Variants in SYNJ2 observed in about 807,000 individuals in gnomAD.
SYNJ2 encodes synaptojanin 2.
SYNJ2 carries 116 observed loss-of-function variants against 141.3 expected under a neutral mutation model. That is an observed-to-expected ratio of 0.82 (90% CI 0.71 to 0.96). The LOEUF is 0.96. Ranked by LOEUF, SYNJ2 falls within the 40% of genes least tolerant of loss-of-function variation. The pLI, the probability that SYNJ2 is intolerant of heterozygous loss-of-function variation, is 0.00. For missense variants in SYNJ2, 1,873 were observed against 1,934.8 expected, an observed-to-expected ratio of 0.97 and a Z score of 0.60; for synonymous variants, 745 against 777.7, an observed-to-expected ratio of 0.96 and a Z score of 0.70.
At position 158,062,139 on chromosome 6, in the gene SYNJ2, A is replaced by C; in HGVS notation, c.1102A>C (p.Thr368Pro). ...KLHWEDFDVF[T>P]KGENVSPRFQ... ...GCACTGGGAAGACTTCGATGTGTTC[A>C]CAAAGGGGGAGAACGTCAGTCCACG... Residue 368 changes from threonine (T) to proline (P), a missense_variant, in exon 8 of 27, where the codon ACA (threonine) becomes CCA (proline). Physicochemically the swap from Thr to Pro is conservative, Grantham distance 38 (BLOSUM62 -1). Transcript: ENST00000355585. 1 of 1,613,910 alleles carries C rather than the reference A, an allele frequency of 6.2e-7. No homozygotes were observed. The highest frequency in any genetic ancestry group is 8.5e-7 in the Non-Finnish European group (1 of 1,179,958).
intron 11 of SYNJ2, 71 bp from the exon 12 acceptor site, chr6:158,066,373 C>T (rs1291940136): frequency 8.3e-6 from 13 of 1,563,514 alleles, no homozygotes; most frequent in Non-Finnish European, 9.7e-6. Context: ...CAGGCAGCCT[C>T]ATCTGTCTTT....
chr6:158,068,752 C>A, intron 13 of SYNJ2, 24 bp downstream of exon 13: 1 of 1,613,062 alleles, frequency 6.2e-7, no homozygotes, highest in Non-Finnish European at 8.5e-7. Flanking sequence ...TGTGCGGGGC[C>A]AGGCAGGGAC....
chr6:158,026,453 T>C (rs888398438), intron 2 of SYNJ2, among the ~76,000 whole-genome samples: 1 of 152,034 alleles, frequency 6.6e-6, no homozygotes, highest in African/African-American at 2.4e-5. Flanking sequence ...CCTGTACAGC[T>C]CCCCTGCCTC....
intron 1 of SYNJ2, among the ~76,000 whole-genome samples, chr6:158,008,064 T>G (rs1778137922): frequency 6.6e-6 from 1 of 152,200 alleles, no homozygotes; most frequent in East Asian, 1.9e-4. Flanking sequence ...AGTGCTGGGA[T>G]TACAGGGAGG....
At chr6:158,004,580 T>C (rs1777982100) in intron 1 of SYNJ2, among the ~76,000 whole-genome samples, 1 of 152,206 alleles carries the variant, frequency 6.6e-6, no homozygotes, top group Non-Finnish European at 1.5e-5. Flanking sequence ...ATTTAGCATA[T>C]AATCCAGAAA....
At chr6:157,987,084 T>C (rs1211625093) in intron 1 of SYNJ2, among the ~76,000 whole-genome samples, 1 of 152,188 alleles carries the variant, frequency 6.6e-6, no homozygotes, top group Non-Finnish European at 1.5e-5. Flanking sequence ...CCTCCCAGGT[T>C]CAAGTGATTC....
chr6:158,007,348 C>T (rs1368944800), intron 1 of SYNJ2, among the ~76,000 whole-genome samples: 3 of 152,208 alleles, frequency 2.0e-5, no homozygotes, highest in Non-Finnish European at 4.4e-5. Flanking sequence ...TCCAGACTTG[C>T]AGAGCTCTGT....
chr6:158,093,049 G>C lies in SYNJ2; in HGVS notation c.3689G>C (p.Arg1230Pro), dbSNP rs544005647. The change falls in exon 26 of 27, where the codon CGG (arginine) becomes CCG (proline). Residue 1230 changes from arginine (R) to proline (P), a missense_variant. Transcript: ENST00000355585. ...CAGGCGCCCCCACTCCTTCCCCGTCGGCCCCCACCCAGAGTTCCTGCCATC... is the reference window on the plus strand; with the variant it reads ...CAGGCGCCCCCACTCCTTCCCCGTCCGCCCCCACCCAGAGTTCCTGCCATC... Reference protein sequence around the residue: ...TPQAPPLLPRRPPPRVPAIKK... With the variant: ...TPQAPPLLPRPPPPRVPAIKK... The C allele has an allele frequency of 1.9e-6, 3 of 1,608,854 alleles. No homozygotes were observed. The South Asian group carries it at 3.3e-5, about 18-fold the overall frequency.
At chr6:158,045,768 A>G (rs779333611) in intron 5 of SYNJ2, among the ~76,000 whole-genome samples, 3 of 151,848 alleles carry the variant, frequency 2.0e-5, no homozygotes, top group Non-Finnish European at 2.9e-5. Flanking sequence ...TCTTACCTTG[A>G]CCTTCGTGCT....
intron 2 of SYNJ2, among the ~76,000 whole-genome samples, chr6:158,024,345 G>A (rs1455069540): frequency 6.6e-6 from 1 of 152,168 alleles, no homozygotes; most frequent in Admixed American, 6.5e-5. Flanking sequence ...AACCTGAAAG[G>A]CGAAAGTTGA....
intron 25 of SYNJ2, among the ~76,000 whole-genome samples, chr6:158,090,630 C>T (rs563181206): frequency 2.7e-5 from 4 of 150,206 alleles, no homozygotes; most frequent in South Asian, 4.2e-4. Context: ...CTGCAACCTC[C>T]GCCTCCCAGG....
intron 5 of SYNJ2, among the ~76,000 whole-genome samples, chr6:158,052,951 C>T (rs1445939778): frequency 6.6e-6 from 1 of 152,212 alleles, no homozygotes; most frequent in Admixed American, 6.5e-5. Flanking sequence ...CGCCTTGAGT[C>T]CAGCATCACA....
chr6:158,055,503 ATGTGTG>A (rs61172281), intron 6 of SYNJ2, among the ~76,000 whole-genome samples: 16,001 of 147,832 alleles, frequency 0.11, 1,053 homozygotes, highest in Middle Eastern at 0.29. Flanking sequence ...TTGGCATTTT[ATGTGTG>A]TGTGTGTGTG....
At chr6:157,991,145 G>C (rs985628412) in intron 1 of SYNJ2, among the ~76,000 whole-genome samples, 1 of 152,202 alleles carries the variant, frequency 6.6e-6, no homozygotes, top group African/African-American at 2.4e-5. Context: ...ATGATTCTAA[G>C]GAGGGGAAGA....
At chr6:158,026,819 CTG>C (rs1779073099) in intron 2 of SYNJ2, 1 of 985,222 alleles carries the variant, frequency 1.0e-6, no homozygotes, top group African/African-American at 1.7e-5. Flanking sequence ...TTTCCCTGCA[CTG>C]TGTCAGAAGA....
At chr6:158,059,946 C>T (rs1357651797) in intron 7 of SYNJ2, among the ~76,000 whole-genome samples, 3 of 152,170 alleles carry the variant, frequency 2.0e-5, no homozygotes, top group African/African-American at 7.2e-5. Flanking sequence ...TGTCCCTTAC[C>T]CTCCCTCCCC....
chr6:158,060,867 T>A (rs532279108), intron 7 of SYNJ2, among the ~76,000 whole-genome samples: 164 of 152,076 alleles, frequency 1.1e-3, no homozygotes, highest in African/African-American at 3.5e-3. Flanking sequence ...CCTGGCCAGG[T>A]AGGGAGGGGC....
chr6:158,008,190 C>CT (rs1778141820), intron 1 of SYNJ2, among the ~76,000 whole-genome samples: 1 of 152,172 alleles, frequency 6.6e-6, no homozygotes, highest in Non-Finnish European at 1.5e-5. Flanking sequence ...CCAGGCTGGT[C>CT]TTGAACTCCT....
At chr6:158,092,828 T>A (rs946328539) in intron 25 of SYNJ2, 98 bp from the exon 26 acceptor site, 48 of 1,149,050 alleles carry the variant, frequency 4.2e-5, no homozygotes, top group Middle Eastern at 2.2e-4. Context: ...ATACACTGAA[T>A]TAGTAAATGA....
Sources: allele counts gnomAD v4.1 joint callset (sites outside exome capture counted in the v4.1 genomes callset), GRCh38; gene constraint gnomAD v4.1.1; transcripts MANE v1.5; gene names NCBI Gene and HGNC (gene_info 2026-07-23, HGNC 2026-07-21).